The following CFAP54 variants were observed in gnomAD, a reference collection of about 807,000 sequenced individuals.
The protein encoded by CFAP54 is cilia- and flagella-associated protein 54.
CFAP54 carries 290 observed loss-of-function variants against 370.4 expected under a neutral mutation model. The ratio of observed to expected loss-of-function variants is 0.78; its 90% CI spans 0.71 to 0.86. The LOEUF (loss-of-function observed/expected upper bound fraction) is 0.86, where lower values mean the gene tolerates loss of function less well. Ranked by LOEUF, CFAP54 falls within the 40% of genes least tolerant of loss-of-function variation. CFAP54 has a pLI of 0.00. For synonymous variants in CFAP54, 1,206 were observed against 1,236.5 expected (o/e 0.98, Z 0.52); for missense variants, 3,399 against 3,528.7 (o/e 0.96, Z 0.93).
chr12:96,566,891 C>A (rs1476299941), intron 19 of CFAP54, among the ~76,000 whole-genome samples: 6 of 152,066 alleles, frequency 3.9e-5, no homozygotes, highest in Admixed American at 3.9e-4. Flanking sequence ...GATTTACCTT[C>A]TTTTTGTGGT....
At chr12:96,803,703 T>C (rs1400699645) in intron 63 of CFAP54, among the ~76,000 whole-genome samples, 1 of 152,128 alleles carries the variant, frequency 6.6e-6, no homozygotes, top group Non-Finnish European at 1.5e-5. Flanking sequence ...AATAGCCTAC[T>C]CAACCAACAA....
At chr12:96,822,090 A>G (rs542117524) in intron 65 of CFAP54, among the ~76,000 whole-genome samples, 1 of 152,280 alleles carries the variant, frequency 6.6e-6, no homozygotes, top group East Asian at 1.9e-4. Context: ...TGGGAGGACT[A>G]CAGAACAGGT....
intron 64 of CFAP54, 23 bp downstream of exon 64, chr12:96,811,865 G>C (rs768403826): frequency 7.5e-7 from 1 of 1,328,564 alleles, no homozygotes; most frequent in Non-Finnish European, 1.0e-6. Flanking sequence ...TCCACAACTC[G>C]AATTGTCTTT....
intron 23 of CFAP54, among the ~76,000 whole-genome samples, chr12:96,591,632 G>A (rs571388278): frequency 1.6e-4 from 24 of 152,140 alleles, no homozygotes; most frequent in Non-Finnish European, 2.6e-4. Flanking sequence ...GCTCACGCCT[G>A]TAATCCCAGC....
chr12:96,584,456 C>T (rs1956057621), intron 22 of CFAP54, among the ~76,000 whole-genome samples: 1 of 151,858 alleles, frequency 6.6e-6, no homozygotes, highest in African/African-American at 2.4e-5. Flanking sequence ...AGAGCGAGAC[C>T]CTGTCTTAAA....
intron 65 of CFAP54, among the ~76,000 whole-genome samples, chr12:96,827,839 TA>T (rs1959138373): frequency 1.1e-5 from 1 of 90,140 alleles, no homozygotes; most frequent in Non-Finnish European, 2.0e-5. Flanking sequence ...TTATATATAA[TA>T]TATAATTATA....
chr12:96,687,603 A>G (rs1287779909), intron 42 of CFAP54, among the ~76,000 whole-genome samples: 3 of 152,206 alleles, frequency 2.0e-5, no homozygotes, highest in African/African-American at 7.2e-5. Context: ...TAGTGATCAC[A>G]TTGCTTTCAG....
chr12:96,806,510 C>T (rs979940309), intron 63 of CFAP54, among the ~76,000 whole-genome samples: 1 of 151,798 alleles, frequency 6.6e-6, no homozygotes, highest in African/African-American at 2.4e-5. Flanking sequence ...ACTTTATACC[C>T]CTAATAAAAG....
chr12:96,863,153 TTGGA>T (rs10537908), intron 67 of CFAP54, among the ~76,000 whole-genome samples: 53,383 of 148,016 alleles, frequency 0.36, 9,838 homozygotes, highest in South Asian at 0.54. Context: ...TCTATATTTG[TTGGA>T]TGGATGGATG....
At chr12:96,824,722 C>T (rs1959067437) in intron 65 of CFAP54, among the ~76,000 whole-genome samples, 2 of 152,126 alleles carry the variant, frequency 1.3e-5, no homozygotes, top group Non-Finnish European at 2.9e-5. Flanking sequence ...GTGATCACTT[C>T]CTACCCAAAC....
chr12:96,677,197 G>T (rs1200092943), intron 39 of CFAP54, among the ~76,000 whole-genome samples: 1 of 150,976 alleles, frequency 6.6e-6, no homozygotes, highest in African/African-American at 2.4e-5. Context: ...TTTTTGTAGA[G>T]ACAGGGTCTT....
intron 64 of CFAP54, among the ~76,000 whole-genome samples, chr12:96,815,915 G>A (rs933989237): frequency 1.3e-5 from 2 of 152,112 alleles, no homozygotes; most frequent in African/African-American, 4.8e-5. Context: ...TGTTCCATTG[G>A]TCTATGTACC....
chr12:96,655,687 T>TAAA (rs1565930677), intron 36 of CFAP54, among the ~76,000 whole-genome samples: 3 of 152,052 alleles, frequency 2.0e-5, no homozygotes, highest in African/African-American at 7.2e-5. Context: ...ACAAAAAATT[T>TAAA]AATAAAGGAG....
At chr12:96,489,957 C>T in intron 1 of CFAP54, 31 bp downstream of exon 1, 1 of 1,510,702 alleles carries the variant, frequency 6.6e-7, no homozygotes, top group Non-Finnish European at 8.8e-7. Flanking sequence ...GGGGAGGGCG[C>T]CGGCCAGAGG....
intron 4 of CFAP54, among the ~76,000 whole-genome samples, chr12:96,507,347 G>T (rs1043028898): frequency 6.6e-6 from 1 of 152,162 alleles, no homozygotes; most frequent in Admixed American, 6.6e-5. Flanking sequence ...TGTTCAAAAA[G>T]CAGGGCCGCA....
intron 35 of CFAP54, among the ~76,000 whole-genome samples, chr12:96,650,838 C>T (rs1821082823): frequency 6.6e-6 from 1 of 152,162 alleles, no homozygotes; most frequent in African/African-American, 2.4e-5. Flanking sequence ...CCTATCCTGG[C>T]CTCCAGCTTC....
chr12:96,873,008 A>G (rs745515443), intron 67 of CFAP54, among the ~76,000 whole-genome samples: 2 of 152,238 alleles, frequency 1.3e-5, no homozygotes, highest in Non-Finnish European at 2.9e-5. Context: ...AAGGTTGTAC[A>G]GTGGATTAAG....
rs570099005 is a variant in CFAP54, at chr12:96,675,854, T to C, written c.5564-3746T>C. On this transcript the variant is annotated intron_variant, in intron 39 of 67. Transcript: ENST00000524981. ...ATCGCAAGGACAAAAAACCAAACAC[T>C]GCATATTCTCACTCACAGGTGGGAA... Among the ~76,000 whole-genome samples, 708 of 149,864 alleles carry C rather than the reference T, an allele frequency of 4.7e-3. 4 individuals carry two copies. The highest frequency in any genetic ancestry group is 0.017 in the African/African-American group (671 of 40,624).
intron 50 of CFAP54, among the ~76,000 whole-genome samples, chr12:96,734,124 T>A (rs1169461737): frequency 6.6e-6 from 1 of 152,182 alleles, no homozygotes; most frequent in African/African-American, 2.4e-5. Context: ...CCTTAGAAAA[T>A]TTTCTACAAA....
Sources: allele counts gnomAD v4.1 joint callset (sites outside exome capture counted in the v4.1 genomes callset), GRCh38; gene constraint gnomAD v4.1.1; transcripts MANE v1.5; gene names NCBI Gene and HGNC (gene_info 2026-07-23, HGNC 2026-07-21).